The following TMEM114 variants were observed in gnomAD, a reference collection of about 807,000 sequenced individuals.
TMEM114 encodes the protein transmembrane protein 114.
TMEM114 carries 6 observed loss-of-function variants against 6.2 expected under a neutral mutation model. The observed-to-expected ratio is 0.97, with a 90% CI of 0.53 to 1.91. The LOEUF is 1.91. Ranked by LOEUF, TMEM114 falls within the 40% of genes most tolerant of loss-of-function variation. The pLI, the probability that TMEM114 is intolerant of heterozygous loss-of-function variation, is 0.01. For missense variants in TMEM114, 218 were observed against 158.3 expected, an observed-to-expected ratio of 1.38 and a Z score of -2.02; for synonymous variants, 104 against 73.0, an observed-to-expected ratio of 1.42 and a Z score of -2.16.
Position 8,582,837 on chromosome 16 carries a change from T to TG in TMEM114, c.301+6375dup, listed in dbSNP as rs368007293. On this transcript the variant is annotated intron_variant, in intron 2 of 3. Coordinates refer to ENST00000620492, the MANE Select transcript of TMEM114 (RefSeq NM_001146336.2). ...TTGCTTGAACCCAGGAGGTGGAAGC[T>TG]GCAGTGATCTCAGATCTCAGCACTA... is the stretch of plus-strand genomic sequence containing the variant. Among the ~76,000 whole-genome samples, 260 of 152,078 alleles carry TG rather than the reference T, an allele frequency of 1.7e-3. 1 individual carries two copies. Among genetic ancestry groups the TG allele is most frequent in the African/African-American group, 6.0e-3 (250 of 41,462 alleles).
At chr16:8,582,319 G>T (rs761795015) in intron 2 of TMEM114, among the ~76,000 whole-genome samples, 8 of 151,944 alleles carry the variant, frequency 5.3e-5, no homozygotes, top group Non-Finnish European at 1.0e-4. Context: ...GTGCTCTGAA[G>T]AAGCATTTTC....
chr16:8,556,236 G>A lies in TMEM114; in HGVS notation n.213-18410C>T, dbSNP rs571556926. On this transcript the variant is annotated intron_variant and non_coding_transcript_variant, in intron 2 of 2. Transcript: ENST00000623677. ...TACACAAGTATCAGCCCCTCTGCCGGCCTTTGTCCCTGCAGTTATACCAGC... is the reference window on the plus strand; with the variant it reads ...TACACAAGTATCAGCCCCTCTGCCGACCTTTGTCCCTGCAGTTATACCAGC... Among the ~76,000 whole-genome samples, 16 of 152,168 alleles carry A rather than the reference G, an allele frequency of 1.1e-4. No homozygotes were observed. In the East Asian group the frequency reaches 2.5e-3, roughly 24 times the overall value.
downstream of TMEM114, among the ~76,000 whole-genome samples, chr16:8,567,129 G>A (rs551530497): frequency 3.3e-5 from 5 of 150,464 alleles, no homozygotes; most frequent in South Asian, 6.3e-4. Context: ...GGCTAGTTTC[G>A]AACTCCTGAC....
At chr16:8,563,791 A>C (rs1402574463) in intron 2 of TMEM114, among the ~76,000 whole-genome samples, 2 of 105,040 alleles carry the variant, frequency 1.9e-5, no homozygotes, top group South Asian at 3.5e-4. Context: ...CTGAGTGAGT[A>C]AATGAGTGAG....
intron 3 of TMEM114, among the ~76,000 whole-genome samples, chr16:8,570,741 G>A (rs1901707685): frequency 6.6e-6 from 1 of 152,100 alleles, no homozygotes; most frequent in African/African-American, 2.4e-5. Flanking sequence ...CTGGCCCACG[G>A]TGGTTCTCCA....
downstream of TMEM114, among the ~76,000 whole-genome samples, chr16:8,564,629 GTGAGTGAATGAGTGAGTAAA>G (rs1901457435): frequency 6.6e-6 from 1 of 151,106 alleles, no homozygotes; most frequent in African/African-American, 2.5e-5. Flanking sequence ...GAATGAGTGA[GTGAGTGAATGAGTGAGTAAA>G]TGAGTGAGTG....
rs765642725 is a variant in TMEM114, at chr16:8,574,570, T to TTTCC, written c.302-2350_302-2347dup. Among the ~76,000 whole-genome samples the TTTCC allele has an allele frequency of 5.2e-3, 508 of 98,378 alleles. 2 individuals carry two copies. Among genetic ancestry groups the TTTCC allele is most frequent in the African/African-American group, 8.7e-3 (149 of 17,108 alleles). 64.5% of individuals were successfully genotyped at this position (98,378 alleles called of 152,430 possible). On this transcript the variant is annotated intron_variant, in intron 2 of 3. Transcript: ENST00000620492. ...CTTTCCTTCTTTCTTTCTTTCTTTC[T>TTTCC]TTCCTTCCTTCCTTCTTTCTTTCTT...
At chr16:8,571,385 G>T (rs928208211) in intron 3 of TMEM114, among the ~76,000 whole-genome samples, 1 of 152,070 alleles carries the variant, frequency 6.6e-6, no homozygotes, top group African/African-American at 2.4e-5. Context: ...GGAGTGGCTC[G>T]GTCAAACTAT....
chr16:8,557,801 T>A (rs1391613629), intron 2 of TMEM114, among the ~76,000 whole-genome samples: 1 of 152,210 alleles, frequency 6.6e-6, no homozygotes, highest in Non-Finnish European at 1.5e-5. Context: ...GCCATCATCA[T>A]CTGGTAACGT....
the TMEM114 span, among the ~76,000 whole-genome samples, chr16:8,529,805 G>C: frequency 6.6e-6 from 1 of 151,818 alleles, no homozygotes; most frequent in Non-Finnish European, 1.5e-5. Flanking sequence ...CCTGTGTCTT[G>C]GGCATGTGGA....
chr16:8,569,987 C>G lies in TMEM114; in HGVS notation c.458G>C (p.Gly153Ala). The change falls in exon 4 of 4, where the codon GGG becomes GCG. Residue 153 changes from glycine to alanine, a missense_variant. Transcript: ENST00000620492. ...TGAATACGCTATGTAGACGCTGATC[C>G]CAGCGAGGGTCACCATGGCTGCAGG... Reference protein sequence around the residue: ...FLFGAMVTLAGISVYIAYSAA... With the variant: ...FLFGAMVTLAAISVYIAYSAA... 1 of 1,549,784 alleles carries G rather than the reference C, an allele frequency of 6.5e-7. No homozygotes were observed. Among genetic ancestry groups the G allele is most frequent in the Non-Finnish European group, 8.7e-7 (1 of 1,146,088 alleles).
intron 2 of TMEM114, among the ~76,000 whole-genome samples, chr16:8,562,296 A>ATG (rs1901265585): frequency 1.1e-5 from 1 of 87,062 alleles, no homozygotes; most frequent in African/African-American, 4.5e-5. Context: ...GAGTGAGTGA[A>ATG]TGAGTGAGTA....
downstream of TMEM114, among the ~76,000 whole-genome samples, chr16:8,565,770 G>C (rs528729286): frequency 6.6e-6 from 1 of 152,246 alleles, no homozygotes; most frequent in South Asian, 2.1e-4. Context: ...GAATCACCTG[G>C]GGAACTTTGT....
At chr16:8,579,804 G>T (rs567012659) in intron 2 of TMEM114, among the ~76,000 whole-genome samples, 4 of 152,212 alleles carry the variant, frequency 2.6e-5, no homozygotes, top group East Asian at 3.9e-4. Flanking sequence ...ACTACCCCAA[G>T]AGCCAATGGC....
chr16:8,569,675 G>C lies in TMEM114; in HGVS notation c.*98C>G. On this transcript the variant is annotated 3_prime_UTR_variant, in exon 4 of 4. Transcript: ENST00000620492. ...GGAGGGGGGTGCCTGGCCTCCCCGAGTGGCCTTTGAGGAAGAAGAGGCCGC... is the reference window on the plus strand; with the variant it reads ...GGAGGGGGGTGCCTGGCCTCCCCGACTGGCCTTTGAGGAAGAAGAGGCCGC... 2 of 1,448,774 alleles carry C rather than the reference G, an allele frequency of 1.4e-6. No individual in the cohort carries two copies. The highest frequency in any genetic ancestry group is 1.8e-6 in the Non-Finnish European group (2 of 1,103,448). 89.7% of individuals were successfully genotyped at this position (1,448,774 alleles called of 1,614,324 possible).
intron 2 of TMEM114, among the ~76,000 whole-genome samples, chr16:8,573,226 C>G (rs970407112): frequency 3.3e-5 from 5 of 152,058 alleles, no homozygotes. Context: ...TTGAAGACCA[C>G]GTGATGTGTG....
intron 2 of TMEM114, among the ~76,000 whole-genome samples, chr16:8,547,395 T>C (rs1567196222): frequency 8.3e-6 from 1 of 120,330 alleles, no homozygotes; most frequent in African/African-American, 3.2e-5. Context: ...TTTCTTTCTT[T>C]CTTTTTTTTT....
intron 2 of TMEM114, among the ~76,000 whole-genome samples, chr16:8,574,112 T>A (rs138208719): frequency 3.6e-4 from 55 of 152,294 alleles, no homozygotes; most frequent in Non-Finnish European, 5.3e-4. Context: ...GATGACCTCA[T>A]GGCGATGAAG....
intron 2 of TMEM114, among the ~76,000 whole-genome samples, chr16:8,574,405 G>A (rs1283238133): frequency 1.3e-5 from 2 of 152,098 alleles, no homozygotes; most frequent in Non-Finnish European, 2.9e-5. Flanking sequence ...AACTTGGTCC[G>A]TGACCTCCAC....
Sources: allele counts gnomAD v4.1 joint callset (sites outside exome capture counted in the v4.1 genomes callset), GRCh38; gene constraint gnomAD v4.1.1; transcripts MANE v1.5; gene names NCBI Gene and HGNC (gene_info 2026-07-23, HGNC 2026-07-21).